CTNNA3: variants seen among roughly 807,000 people sequenced by gnomAD.
CTNNA3 encodes catenin alpha 3, also known as catenin alpha-3.
Under a neutral mutation model 95.7 loss-of-function variants are expected in CTNNA3, and 76 were observed. The ratio of observed to expected loss-of-function variants is 0.79; its 90% confidence interval spans 0.66 to 0.96. The LOEUF is 0.96. CTNNA3 is among the 40% of genes least tolerant of loss of function. The pLI is 0.00. For synonymous variants in CTNNA3, 431 were observed against 374.4 expected (o/e 1.15, Z -1.74); for missense variants, 1,191 against 1,089.8 (o/e 1.09, Z -1.31).
chr10:67,669,699 T>G (rs569051486), intron 1 of CTNNA3, among the ~76,000 whole-genome samples: 7 of 152,362 alleles, frequency 4.6e-5, no homozygotes, highest in African/African-American at 1.7e-4. Context: ...TGTTATTTTG[T>G]GGAAAGATAC....
rs116012124 is a variant in CTNNA3 at position 66,095,048 on chromosome 10, T to C, written c.1977+8109A>G. On this transcript the variant is annotated intron_variant, in intron 14 of 17. Coordinates refer to ENST00000433211, the MANE Select transcript of CTNNA3 (RefSeq NM_013266.4). The stretch of plus-strand genomic sequence containing the variant: ...ATTTAGGTTTGGAAACAGTGGGATC[T>C]ACAGATGCCTGTGATTATTTCAAGG... 9.7e-3 allele frequency among the ~76,000 whole-genome samples: 1,476 copies of C among 152,250 alleles called. 31 individuals are homozygous for C. Among genetic ancestry groups the C allele is most frequent in the African/African-American group, 0.034 (1,414 of 41,566 alleles).
chr10:66,059,478 C>T (rs1267465927), intron 15 of CTNNA3, among the ~76,000 whole-genome samples: 1 of 152,112 alleles, frequency 6.6e-6, no homozygotes, highest in African/African-American at 2.4e-5. Context: ...TATCTCAGCT[C>T]CTAGCAACAT....
chr10:66,920,712 G>T (rs1056854863), intron 7 of CTNNA3, among the ~76,000 whole-genome samples: 1 of 152,178 alleles, frequency 6.6e-6, no homozygotes, highest in Non-Finnish European at 1.5e-5. Context: ...ATCCAAATGT[G>T]TTAAACTCTT....
chr10:67,595,251 C>T (rs1842904951), intron 3 of CTNNA3, among the ~76,000 whole-genome samples: 2 of 152,186 alleles, frequency 1.3e-5, no homozygotes, highest in South Asian at 2.1e-4. Flanking sequence ...GAGCCTTCTG[C>T]CTTTTTGATG....
At chr10:66,285,647 C>G (rs2091573106) in intron 12 of CTNNA3, among the ~76,000 whole-genome samples, 2 of 151,420 alleles carry the variant, frequency 1.3e-5, no homozygotes, top group Admixed American at 1.3e-4. Flanking sequence ...CTTTTATGTA[C>G]TACTTTATAA....
chr10:66,712,665 G>A (rs967561967), intron 9 of CTNNA3, among the ~76,000 whole-genome samples: 2 of 151,478 alleles, frequency 1.3e-5, no homozygotes, highest in East Asian at 4.0e-4. Context: ...GCTTACTAAC[G>A]CTATGGCACA....
chr10:66,998,935 T>G (rs1851524355), intron 7 of CTNNA3, among the ~76,000 whole-genome samples: 1 of 152,086 alleles, frequency 6.6e-6, no homozygotes. Flanking sequence ...GCTTTAAAAC[T>G]GAACATATAC....
At chr10:67,542,215 C>T (rs1308027126) in intron 3 of CTNNA3, among the ~76,000 whole-genome samples, 1 of 152,074 alleles carries the variant, frequency 6.6e-6, no homozygotes, top group Non-Finnish European at 1.5e-5. Flanking sequence ...CTGGTTTCAG[C>T]CCACACTCTG....
chr10:65,986,345 G>C (rs553684078), intron 16 of CTNNA3, among the ~76,000 whole-genome samples: 5 of 143,518 alleles, frequency 3.5e-5, no homozygotes, highest in Non-Finnish European at 3.1e-5. Context: ...AAAACTCTTA[G>C]ATTTGATAAA....
At chr10:66,351,739 G>C (rs2092568533) in intron 12 of CTNNA3, among the ~76,000 whole-genome samples, 1 of 151,952 alleles carries the variant, frequency 6.6e-6, no homozygotes. Flanking sequence ...TTCCTAGTTT[G>C]ATGAGTTTTG....
chr10:67,549,123 T>C (rs1046825833), intron 3 of CTNNA3, among the ~76,000 whole-genome samples: 2 of 152,036 alleles, frequency 1.3e-5, no homozygotes, highest in African/African-American at 2.4e-5. Flanking sequence ...ATTTCTTGTG[T>C]AGTCAAAAAC....
intron 5 of CTNNA3, among the ~76,000 whole-genome samples, chr10:67,294,908 C>T (rs1839975714): frequency 1.3e-5 from 2 of 152,106 alleles, no homozygotes; most frequent in Admixed American, 1.3e-4. Context: ...TTGCTAATGA[C>T]TACGATATAT....
intron 5 of CTNNA3, among the ~76,000 whole-genome samples, chr10:67,314,093 C>G (rs556218650): frequency 6.6e-6 from 1 of 152,140 alleles, no homozygotes; most frequent in Non-Finnish European, 1.5e-5. Flanking sequence ...TTCTACTGAA[C>G]CCCAAAAAGA....
intron 5 of CTNNA3, among the ~76,000 whole-genome samples, chr10:67,380,020 C>CAAAAAAA (rs10591803): frequency 1.3e-5 from 1 of 74,082 alleles, no homozygotes. Context: ...GACTCCGTCT[C>CAAAAAAA]AAAAAAAAAA....
intron 13 of CTNNA3, among the ~76,000 whole-genome samples, chr10:66,211,787 C>T (rs567392285): frequency 6.6e-6 from 1 of 152,242 alleles, no homozygotes; most frequent in African/African-American, 2.4e-5. Flanking sequence ...ACACCAAACA[C>T]CAGCCAATTC....
chr10:67,547,566 C>T (rs1268046126), intron 3 of CTNNA3, among the ~76,000 whole-genome samples: 1 of 152,128 alleles, frequency 6.6e-6, no homozygotes, highest in Admixed American at 6.5e-5. Flanking sequence ...TCAAATTTGG[C>T]CCTATTGATA....
chr10:67,668,263 TC>T (rs1300975650), intron 1 of CTNNA3, among the ~76,000 whole-genome samples: 1 of 152,182 alleles, frequency 6.6e-6, no homozygotes. Context: ...CTTAAAATAC[TC>T]CTTTTTACTT....
At chr10:66,672,104 T>G (rs1039593013) in intron 9 of CTNNA3, among the ~76,000 whole-genome samples, 1 of 152,074 alleles carries the variant, frequency 6.6e-6, no homozygotes, top group Non-Finnish European at 1.5e-5. Flanking sequence ...ACAGAGAGAA[T>G]GGAGGAAGGG....
intron 9 of CTNNA3, among the ~76,000 whole-genome samples, chr10:66,682,650 T>A (rs1317684930): frequency 2.1e-5 from 1 of 46,656 alleles, no homozygotes; most frequent in African/African-American, 1.3e-4. Context: ...TTTTTTTTTT[T>A]ATTTCTGTTT....
Sources: allele counts gnomAD v4.1 joint callset (sites outside exome capture counted in the v4.1 genomes callset), GRCh38; gene constraint gnomAD v4.1.1; transcripts MANE v1.5; gene names NCBI Gene and HGNC (gene_info 2026-07-23, HGNC 2026-07-21).